The following SPAG17 variants were observed in gnomAD, a reference collection of about 807,000 sequenced individuals.
SPAG17 encodes sperm-associated antigen 17.
A neutral mutation model predicts 273.6 loss-of-function variants in SPAG17; 169 were observed. That is an observed-to-expected ratio of 0.62 (90% CI 0.55 to 0.70). The LOEUF (loss-of-function observed/expected upper bound fraction) is 0.70, where lower values mean the gene tolerates loss of function less well. Among genes scored for constraint, SPAG17 ranks in the 30% least tolerant of loss-of-function variants. The pLI is 0.00. For missense variants in SPAG17, 2,557 were observed against 2,627.8 expected, an observed-to-expected ratio of 0.97 and a Z score of 0.59; for synonymous variants, 825 against 873.2, an observed-to-expected ratio of 0.94 and a Z score of 0.97.
intron 43 of SPAG17, among the ~76,000 whole-genome samples, chr1:117,978,319 C>G (rs1655358408): frequency 1.3e-5 from 2 of 152,218 alleles, no homozygotes. Flanking sequence ...TATCCCTACT[C>G]TCTCTCTTCT....
At chr1:118,003,332 T>C (rs1426272141) in intron 32 of SPAG17, among the ~76,000 whole-genome samples, 1 of 152,210 alleles carries the variant, frequency 6.6e-6, no homozygotes, top group Non-Finnish European at 1.5e-5. Context: ...AGTATCTTTG[T>C]GATGTTCTCT....
intron 17 of SPAG17, among the ~76,000 whole-genome samples, chr1:118,073,543 A>C (rs1653808546): frequency 6.6e-6 from 1 of 152,122 alleles, no homozygotes; most frequent in Non-Finnish European, 1.5e-5. Context: ...TCCCAATAAA[A>C]CCTTACTTTG....
In SPAG17 at chr1:117,983,883, G is replaced by A. The variant is rs1656108711; in HGVS notation, c.5800C>T (p.Leu1934=). ...YNHLDSLSKK[L]PSFTKKNEDA... The stretch of plus-strand genomic sequence containing the variant: ...TCATTTTTCTTTGTAAAAGAAGGCA[G>A]TTTTTTGGAAAGACTGTCCAGGTGA... Residue 1934 remains leucine (L), a synonymous_variant, in exon 42 of 49, where the codon CTG becomes TTG. Transcript: ENST00000336338. The A allele has an allele frequency of 6.8e-6, 11 of 1,611,760 alleles. No individual in the cohort carries two copies. The highest frequency in any genetic ancestry group is 8.5e-6 in the Non-Finnish European group (10 of 1,178,628).
At chr1:117,997,579 A>AAG (rs1553222676) in intron 32 of SPAG17, among the ~76,000 whole-genome samples, 1 of 151,514 alleles carries the variant, frequency 6.6e-6, no homozygotes, top group African/African-American at 2.4e-5. Flanking sequence ...AAAAAAAAAA[A>AAG]AAAAGAAAAG....
chr1:118,094,187 G>A (rs573057266), intron 7 of SPAG17, among the ~76,000 whole-genome samples: 4 of 152,308 alleles, frequency 2.6e-5, no homozygotes, highest in African/African-American at 9.6e-5. Context: ...GGCTTCTTCA[G>A]TCAAGCTTCA....
At chr1:118,001,820 C>T (rs559780736) in intron 32 of SPAG17, among the ~76,000 whole-genome samples, 2 of 152,314 alleles carry the variant, frequency 1.3e-5, no homozygotes, top group South Asian at 2.1e-4. Context: ...GTCGCTATCT[C>T]TTTCAGTTCT....
At position 117,984,747 on chromosome 1, in the gene SPAG17, T is replaced by C; in HGVS notation, c.5705A>G (p.Asp1902Gly). Residue 1902 changes from aspartate to glycine, a missense_variant, in exon 41 of 49, where the codon GAT becomes GGT. Asp to Gly is a moderately conservative substitution (Grantham distance 94). Coordinates refer to ENST00000336338, the MANE Select transcript of SPAG17 (RefSeq NM_206996.4). ...EIETTQNYLMDIKNRIIPPFF... is the reference protein window; with the variant it reads ...EIETTQNYLMGIKNRIIPPFF... ...GGGTGGTATTATGCGGTTCTTAATA[T>C]CCATTAGGTAATTCTGTGTTGTCTC... 2 of 1,611,356 alleles carry C rather than the reference T, an allele frequency of 1.2e-6. No individual in the cohort carries two copies. Among genetic ancestry groups the C allele is most frequent in the South Asian group, 2.2e-5 (2 of 90,768 alleles).
Position 118,165,865 on chromosome 1 carries a change from A to C in SPAG17, c.88-14496T>G, listed in dbSNP as rs1423295619. On this transcript the variant is annotated intron_variant, in intron 1 of 48. Transcript: ENST00000336338. ...TCACTGTGTTAGCCAGGATGGTCTCAATCTCCTGACCTCCTGATCCACCCG... is the reference window on the plus strand; with the variant it reads ...TCACTGTGTTAGCCAGGATGGTCTCCATCTCCTGACCTCCTGATCCACCCG... 2.6e-5 allele frequency among the ~76,000 whole-genome samples: 4 copies of C among 151,996 alleles called. No homozygotes were observed. In the East Asian group the frequency reaches 7.8e-4, roughly 30 times the overall value.
chr1:118,040,067 T>A (rs1649556042), intron 22 of SPAG17, among the ~76,000 whole-genome samples: 1 of 152,190 alleles, frequency 6.6e-6, no homozygotes, highest in African/African-American at 2.4e-5. Context: ...AATTATGTTA[T>A]AGTAGCTATT....
chr1:118,092,894 T>C (rs1386063446), intron 8 of SPAG17, among the ~76,000 whole-genome samples: 2 of 152,206 alleles, frequency 1.3e-5, no homozygotes, highest in Non-Finnish European at 2.9e-5. Context: ...ATACTGCAAT[T>C]ACTTTGTCAA....
At chr1:118,113,863 GT>G (rs1298090353) in intron 4 of SPAG17, among the ~76,000 whole-genome samples, 1 of 151,976 alleles carries the variant, frequency 6.6e-6, no homozygotes, top group Non-Finnish European at 1.5e-5. Context: ...CTTTAAAAAC[GT>G]TTTCCAAGCT....
At position 118,119,515 on chromosome 1, in the gene SPAG17, G is replaced by T. The variant is rs1405232641; in HGVS notation, c.316-4074C>A. The stretch of plus-strand genomic sequence containing the variant: ...ACTAAAAGAATCCTTTGGCTTCAGG[G>T]ACTTTCTTGGAGGCCCATGGTGTTT... On this transcript the variant is annotated intron_variant, in intron 3 of 48. Transcript: ENST00000336338. Among the ~76,000 whole-genome samples the T allele has an allele frequency of 2.0e-5, 3 of 152,186 alleles. No individual in the cohort carries two copies. In the East Asian group the frequency reaches 5.8e-4, roughly 29 times the overall value.
intron 18 of SPAG17, among the ~76,000 whole-genome samples, chr1:118,060,686 T>C (rs1429810946): frequency 3.3e-5 from 5 of 152,162 alleles, no homozygotes; most frequent in South Asian, 4.1e-4. Flanking sequence ...ACAACTCCCT[T>C]TGAGTATTTA....
At chr1:118,111,270 G>T (rs1452483011) in intron 4 of SPAG17, among the ~76,000 whole-genome samples, 1 of 151,876 alleles carries the variant, frequency 6.6e-6, no homozygotes, top group Non-Finnish European at 1.5e-5. Flanking sequence ...CATCTGGGGG[G>T]GTCATTTATT....
In SPAG17 at chr1:117,991,522, T is replaced by C. The variant is rs150302774; in HGVS notation, c.5368A>G (p.Ile1790Val). The change falls in exon 37 of 49, where the codon ATA (isoleucine) becomes GTA (valine). Residue 1790 changes from isoleucine (I) to valine (V), a missense_variant. Ile to Val is a conservative substitution (Grantham distance 29, BLOSUM62 3). Coordinates refer to ENST00000336338, the MANE Select transcript of SPAG17 (RefSeq NM_206996.4). ...TCTTCTTTCTTTAGAATATAGTTTA[T>C]GTAATCCTAAATCAGCAGAATAAAA... The part of the protein sequence containing the change: ...LRLQVSLKDY[I>V]NYILKKEDEL... 5.7e-6 allele frequency: 9 copies of C among 1,588,552 alleles called. No homozygotes were observed. In the African/African-American group the frequency reaches 1.1e-4, roughly 19 times the overall value.
At chr1:117,973,352 AAAAAAAT>A in intron 44 of SPAG17, 66 bp downstream of exon 44, 4 of 1,555,118 alleles carry the variant, frequency 2.6e-6, no homozygotes, top group Non-Finnish European at 3.5e-6. Context: ...AGCAGGATTG[AAAAAAAT>A]AAAAAATAAA....
intron 27 of SPAG17, 133 bp from the exon 28 acceptor site, chr1:118,023,596 C>T: frequency 5.8e-6 from 4 of 684,086 alleles, no homozygotes; most frequent in Non-Finnish European, 9.0e-6. Context: ...ACCTCCAGAC[C>T]CAGCAGCACA....
chr1:118,053,855 A>G (rs1651345581), intron 20 of SPAG17, 147 bp downstream of exon 20: 2 of 589,142 alleles, frequency 3.4e-6, no homozygotes, highest in Admixed American at 3.0e-5. Flanking sequence ...CAGCAGGTCA[A>G]AAAGAGATGG....
At chr1:118,111,851 AG>A (rs1236931254) in intron 4 of SPAG17, among the ~76,000 whole-genome samples, 1 of 152,124 alleles carries the variant, frequency 6.6e-6, no homozygotes, top group Non-Finnish European at 1.5e-5. Flanking sequence ...ATAGTATATC[AG>A]GAAATAGGGC....
Sources: allele counts gnomAD v4.1 joint callset (sites outside exome capture counted in the v4.1 genomes callset), GRCh38; gene constraint gnomAD v4.1.1; transcripts MANE v1.5; gene names NCBI Gene and HGNC (gene_info 2026-07-23, HGNC 2026-07-21).